The following RALYL variants were observed in gnomAD, a reference collection of about 807,000 sequenced individuals.
RALYL encodes the protein RNA-binding Raly-like protein.
Under a neutral mutation model 35.1 loss-of-function variants are expected in RALYL, and 29 were observed. The ratio of observed to expected loss-of-function variants is 0.83; its 90% CI spans 0.61 to 1.13. The LOEUF is 1.13. Ranked by LOEUF, RALYL falls within the 50% of genes most tolerant of loss-of-function variation. The probability of loss-of-function intolerance (pLI) is 0.00; values close to 1 mark genes in which losing one functional copy is unlikely to be tolerated. For synonymous variants in RALYL, 120 were observed against 127.6 expected (o/e 0.94, Z 0.40); for missense variants, 359 against 360.4 (o/e 1.00, Z 0.03).
Position 84,241,778 on chromosome 8 carries a change from A to G in RALYL, c.-24+57354A>G. Among the ~76,000 whole-genome samples the G allele has an allele frequency of 7.2e-5, 2 of 27,718 alleles. 1 individual carries two copies. The highest frequency in any genetic ancestry group is 5.0e-3 in the South Asian group (2 of 398). 18.2% of individuals were successfully genotyped at this position (27,718 alleles called of 152,430 possible). ...GGACAATAGAGGGAGACTGTGTCTCAAAAAAAAAAAAAAAAAAATCTGTAT... is the reference window on the plus strand; with the variant it reads ...GGACAATAGAGGGAGACTGTGTCTCGAAAAAAAAAAAAAAAAAATCTGTAT... On this transcript the variant is annotated intron_variant, in intron 1 of 8. Coordinates refer to ENST00000521268, the MANE Select transcript of RALYL (RefSeq NM_173848.7).
At chr8:84,209,097 AT>A (rs1320026657) in intron 1 of RALYL, among the ~76,000 whole-genome samples, 1 of 144,726 alleles carries the variant, frequency 6.9e-6, no homozygotes, top group Non-Finnish European at 1.5e-5. Flanking sequence ...GATTTAACAA[AT>A]ATTGCATAAA....
chr8:84,573,460 T>A (rs1324746733), intron 2 of RALYL, among the ~76,000 whole-genome samples: 3 of 151,998 alleles, frequency 2.0e-5, no homozygotes, highest in East Asian at 1.9e-4. Flanking sequence ...TATTTTCTCC[T>A]CTGACTACTT....
At chr8:84,476,634 T>C (rs2053455304) in intron 1 of RALYL, among the ~76,000 whole-genome samples, 1 of 152,162 alleles carries the variant, frequency 6.6e-6, no homozygotes. Context: ...TCAATATTAG[T>C]ATATTTATTC....
chr8:84,514,887 A>G (rs2057935157), intron 1 of RALYL, among the ~76,000 whole-genome samples: 1 of 152,162 alleles, frequency 6.6e-6, no homozygotes, highest in Non-Finnish European at 1.5e-5. Context: ...GAGAGCTCTT[A>G]TAGTTCTAGC....
chr8:84,573,580 A>G (rs2135830003), intron 2 of RALYL, among the ~76,000 whole-genome samples: 1 of 151,918 alleles, frequency 6.6e-6, no homozygotes, highest in South Asian at 2.1e-4. Context: ...TGAATCAGTA[A>G]GTTTATTTGT....
intron 1 of RALYL, among the ~76,000 whole-genome samples, chr8:84,379,381 A>G (rs1857509614): frequency 6.6e-6 from 1 of 151,950 alleles, no homozygotes; most frequent in Admixed American, 6.6e-5. Context: ...TCAGTCACAT[A>G]TGGTGAGGTC....
At chr8:84,429,764 A>T (rs924224434) in intron 1 of RALYL, among the ~76,000 whole-genome samples, 1 of 152,076 alleles carries the variant, frequency 6.6e-6, no homozygotes, top group Admixed American at 6.6e-5. Flanking sequence ...TTAAATCTGC[A>T]TGTAAATTTC....
At chr8:84,893,769 A>G (rs1844272715) in intron 8 of RALYL, among the ~76,000 whole-genome samples, 1 of 152,230 alleles carries the variant, frequency 6.6e-6, no homozygotes, top group Non-Finnish European at 1.5e-5. Flanking sequence ...AAAGGAAACT[A>G]TAGACAAGCA....
chr8:84,307,732 A>G (rs1242293643), intron 1 of RALYL, among the ~76,000 whole-genome samples: 2 of 152,196 alleles, frequency 1.3e-5, no homozygotes, highest in Admixed American at 6.5e-5. Context: ...TACACATCTG[A>G]GAAAACCAAT....
intron 2 of RALYL, among the ~76,000 whole-genome samples, chr8:84,760,776 T>G (rs913557504): frequency 6.6e-6 from 1 of 152,048 alleles, no homozygotes; most frequent in African/African-American, 2.4e-5. Flanking sequence ...CATTGAGAGA[T>G]CTGAAGGAAT....
chr8:84,572,764 A>C (rs1408035201), intron 2 of RALYL, among the ~76,000 whole-genome samples: 1 of 151,834 alleles, frequency 6.6e-6, no homozygotes, highest in Non-Finnish European at 1.5e-5. Flanking sequence ...AAAATGATTC[A>C]GTCTTAAGAT....
intron 2 of RALYL, among the ~76,000 whole-genome samples, chr8:84,736,462 GA>G: frequency 6.6e-6 from 1 of 152,140 alleles, no homozygotes; most frequent in East Asian, 1.9e-4. Context: ...CTTAGAGGTT[GA>G]AAAAGTTTCA....
intron 1 of RALYL, among the ~76,000 whole-genome samples, chr8:84,452,169 C>G (rs779861504): frequency 6.6e-6 from 1 of 151,690 alleles, no homozygotes; most frequent in Non-Finnish European, 1.5e-5. Flanking sequence ...GTCTAACCAT[C>G]AAAACATCAT....
At chr8:84,741,716 G>C (rs1807355426) in intron 2 of RALYL, among the ~76,000 whole-genome samples, 1 of 151,890 alleles carries the variant, frequency 6.6e-6, no homozygotes, top group Non-Finnish European at 1.5e-5. Flanking sequence ...CCAAACCATG[G>C]ATATATTTAT....
At chr8:84,604,045 G>C (rs1189764730) in intron 2 of RALYL, among the ~76,000 whole-genome samples, 1 of 151,986 alleles carries the variant, frequency 6.6e-6, no homozygotes, top group South Asian at 2.1e-4. Flanking sequence ...TTGAATACTT[G>C]AATAAGAAAG....
chr8:84,240,970 C>G lies in RALYL; in HGVS notation c.-24+56546C>G, dbSNP rs181975681. Among the ~76,000 whole-genome samples, 4 of 152,068 alleles carry G rather than the reference C, an allele frequency of 2.6e-5. No homozygotes were observed. In the South Asian group the frequency reaches 8.3e-4, roughly 32 times the overall value. ...CCCTTGGTATTAACAGGGAAAAATT[C>G]TATTAAATATTAATTTTAATATTTA... On this transcript the variant is annotated intron_variant, in intron 1 of 8. Coordinates refer to ENST00000521268, the MANE Select transcript of RALYL (RefSeq NM_173848.7).
intron 1 of RALYL, among the ~76,000 whole-genome samples, chr8:84,290,825 GT>G (rs1482016573): frequency 2.6e-5 from 4 of 152,142 alleles, no homozygotes; most frequent in Non-Finnish European, 5.9e-5. Context: ...AAGCTTCAGT[GT>G]TTCTCAGTAA....
chr8:84,324,311 C>T (rs904759196), intron 1 of RALYL, among the ~76,000 whole-genome samples: 3 of 151,398 alleles, frequency 2.0e-5, no homozygotes, highest in African/African-American at 7.3e-5. Flanking sequence ...CTTCCTTCAT[C>T]TTTATGACTG....
chr8:84,634,078 G>A (rs1385971110), intron 2 of RALYL, among the ~76,000 whole-genome samples: 1 of 151,752 alleles, frequency 6.6e-6, no homozygotes, highest in African/African-American at 2.4e-5. Context: ...ATTAAACTAA[G>A]CATCAACCTG....
Sources: gnomAD v4.1 joint callset for allele counts (sites outside exome capture counted in the v4.1 genomes callset) on GRCh38, gnomAD v4.1.1 for gene constraint, MANE v1.5 for transcripts, NCBI Gene and HGNC (gene_info 2026-07-23, HGNC 2026-07-21) for gene names.